Variants in TUSC3 observed in about 807,000 individuals in gnomAD.
The protein encoded by TUSC3 is tumor suppressor candidate 3.
In TUSC3, 45 loss-of-function variants were observed where a neutral mutation model predicts 44.8. The ratio of observed to expected loss-of-function variants is 1.00; its 90% CI spans 0.79 to 1.29. The LOEUF is 1.29. Ranked by LOEUF, TUSC3 falls within the 50% of genes most tolerant of loss-of-function variation. The probability of loss-of-function intolerance (pLI) is 0.00; values close to 1 mark genes in which losing one functional copy is unlikely to be tolerated. For missense variants in TUSC3, 519 were observed against 437.9 expected (o/e 1.19, Z -1.65); for synonymous variants, 212 against 152.9 (o/e 1.39, Z -2.85).
At chr8:15,726,770 C>T (rs1164547125) in intron 6 of TUSC3, among the ~76,000 whole-genome samples, 1 of 152,182 alleles carries the variant, frequency 6.6e-6, no homozygotes, top group Non-Finnish European at 1.5e-5. Context: ...CATGCCACTG[C>T]AGTCCAGCCT....
At chr8:15,549,418 C>T (rs534685584) in intron 1 of TUSC3, among the ~76,000 whole-genome samples, 47 of 151,594 alleles carry the variant, frequency 3.1e-4, no homozygotes, top group African/African-American at 1.1e-3. Context: ...GTGATCTGCC[C>T]GCCTCGGCCT....
At position 15,588,181 on chromosome 8, in the gene TUSC3, G is replaced by A. The variant is rs184483998; in HGVS notation, c.139-34899G>A. ...GGGGTAATAATTTACATTTCCACCAGCAGTGTATAAGAGTTCTGTTTTCTC... is the reference window on the plus strand; with the variant it reads ...GGGGTAATAATTTACATTTCCACCAACAGTGTATAAGAGTTCTGTTTTCTC... On this transcript the variant is annotated intron_variant, in intron 1 of 10. Transcript: ENST00000503731. 4.6e-5 allele frequency among the ~76,000 whole-genome samples: 7 copies of A among 152,160 alleles called. No homozygotes were observed. In the East Asian group the frequency reaches 1.4e-3, roughly 29 times the overall value.
At chr8:15,659,964 A>G (rs894936763) in intron 4 of TUSC3, among the ~76,000 whole-genome samples, 3 of 152,098 alleles carry the variant, frequency 2.0e-5, no homozygotes, top group South Asian at 2.1e-4. Context: ...AGCAAGATAT[A>G]TAATTTTTAA....
chr8:15,703,892 T>G (rs1212753283), intron 6 of TUSC3, among the ~76,000 whole-genome samples: 1 of 152,090 alleles, frequency 6.6e-6, no homozygotes, highest in Non-Finnish European at 1.5e-5. Context: ...CATTAGCTCA[T>G]TCGCTCAGCA....
intron 6 of TUSC3, among the ~76,000 whole-genome samples, chr8:15,701,177 A>G (rs764992368): frequency 6.6e-6 from 1 of 152,160 alleles, no homozygotes; most frequent in Admixed American, 6.6e-5. Flanking sequence ...GCCTATTTTA[A>G]TAAGTGTATA....
intron 1 of TUSC3, among the ~76,000 whole-genome samples, chr8:15,462,801 G>T (rs1409939718): frequency 6.6e-6 from 1 of 152,038 alleles, no homozygotes; most frequent in Admixed American, 6.6e-5. Flanking sequence ...TTCCAACAGT[G>T]AGCAGAAAGG....
intron 1 of TUSC3, among the ~76,000 whole-genome samples, chr8:15,555,866 A>C (rs141992257): frequency 0.015 from 2,310 of 151,692 alleles, 57 homozygotes; most frequent in African/African-American, 0.046. Context: ...ATTTTATGAA[A>C]TATAAGCCAA....
the TUSC3 span, among the ~76,000 whole-genome samples, chr8:15,829,096 C>A: frequency 6.6e-6 from 1 of 151,992 alleles, no homozygotes. Context: ...TTCTCTTTTT[C>A]TTTTTTCATA....
downstream of TUSC3, among the ~76,000 whole-genome samples, chr8:15,768,353 C>G (rs933641384): frequency 2.6e-5 from 4 of 152,040 alleles, no homozygotes; most frequent in Non-Finnish European, 4.4e-5. Context: ...ATCTAGTTTC[C>G]AGAGTTGCCA....
At chr8:15,602,541 A>G (rs1804332209) in intron 1 of TUSC3, among the ~76,000 whole-genome samples, 1 of 151,596 alleles carries the variant, frequency 6.6e-6, no homozygotes, top group Non-Finnish European at 1.5e-5. Flanking sequence ...GGTAAGTAAC[A>G]TGGGGTTTGC....
chr8:15,738,821 A>G (rs1406972555), intron 7 of TUSC3, among the ~76,000 whole-genome samples: 1 of 93,380 alleles, frequency 1.1e-5, no homozygotes, highest in African/African-American at 3.8e-5. Context: ...CTATTAATAT[A>G]TCTTGCTTTT....
upstream of TUSC3, among the ~76,000 whole-genome samples, chr8:15,536,646 C>T (rs1342576859): frequency 2.4e-5 from 3 of 124,674 alleles, no homozygotes; most frequent in African/African-American, 6.3e-5. Context: ...TGTGCCACTG[C>T]ACGCCAGCCT....
At chr8:15,601,100 T>G (rs189120885) in intron 1 of TUSC3, among the ~76,000 whole-genome samples, 1 of 151,818 alleles carries the variant, frequency 6.6e-6, no homozygotes, top group African/African-American at 2.4e-5. Context: ...GTCAGCAGAT[T>G]TGTTACAGTA....
At chr8:15,775,382 G>C in the TUSC3 span, among the ~76,000 whole-genome samples, 1 of 151,970 alleles carries the variant, frequency 6.6e-6, no homozygotes, top group African/African-American at 2.4e-5. Flanking sequence ...GAGTGATGAT[G>C]ATTGCATAAT....
rs979759970 is a variant in TUSC3, at chr8:15,691,243, C to T, written c.798+17407C>T. ...TTTTACCTCCCTGATAACCTGTATT[C>T]TTAAGTATTTTATTCTTTTTGTGGC... On this transcript the variant is annotated intron_variant, in intron 6 of 10. Transcript: ENST00000503731. Among the ~76,000 whole-genome samples the T allele has an allele frequency of 2.3e-4, 35 of 151,944 alleles. 1 individual carries two copies. The highest frequency in any genetic ancestry group is 1.1e-3 in the Admixed American group (17 of 15,236).
At chr8:15,732,512 T>A (rs920946084) in intron 7 of TUSC3, among the ~76,000 whole-genome samples, 1 of 152,134 alleles carries the variant, frequency 6.6e-6, no homozygotes, top group African/African-American at 2.4e-5. Flanking sequence ...ATATCTTTAT[T>A]AGCAGCGTGA....
At chr8:15,617,287 G>A (rs1384662913) in intron 1 of TUSC3, among the ~76,000 whole-genome samples, 3 of 151,538 alleles carry the variant, frequency 2.0e-5, no homozygotes, top group African/African-American at 7.3e-5. Flanking sequence ...CTGCAGGTTC[G>A]TGCCACCACG....
chr8:15,726,439 T>C (rs1810499599), intron 6 of TUSC3, among the ~76,000 whole-genome samples: 2 of 152,208 alleles, frequency 1.3e-5, no homozygotes, highest in African/African-American at 4.8e-5. Context: ...ATGAATTTTG[T>C]TATAACCTTA....
intron 2 of TUSC3, among the ~76,000 whole-genome samples, chr8:15,505,721 C>T (rs938380276): frequency 2.0e-5 from 3 of 152,122 alleles, no homozygotes; most frequent in African/African-American, 4.8e-5. Context: ...AGAATGGGAG[C>T]ACTACTTTAT....
Sources: gnomAD v4.1 joint callset for allele counts (sites outside exome capture counted in the v4.1 genomes callset) on GRCh38, gnomAD v4.1.1 for gene constraint, MANE v1.5 for transcripts, NCBI Gene and HGNC (gene_info 2026-07-23, HGNC 2026-07-21) for gene names.